The following TMEM45A variants were observed in gnomAD, a reference collection of about 807,000 sequenced individuals.
TMEM45A encodes the protein DNA polymerase-transactivated protein 4.
In TMEM45A, 25 loss-of-function variants were observed where a neutral mutation model predicts 32.0. The observed-to-expected ratio is 0.78, with a 90% CI of 0.57 to 1.09. TMEM45A has a LOEUF of 1.09. Ranked by LOEUF, TMEM45A falls within the 50% of genes least tolerant of loss-of-function variation. The pLI is 0.00. For missense variants in TMEM45A, 302 were observed against 325.0 expected, an observed-to-expected ratio of 0.93 and a Z score of 0.54; for synonymous variants, 122 against 114.8, an observed-to-expected ratio of 1.06 and a Z score of -0.40.
intron 1 of TMEM45A, among the ~76,000 whole-genome samples, chr3:100,528,622 C>T (rs747318260): frequency 6.6e-6 from 1 of 152,086 alleles, no homozygotes. Flanking sequence ...AAACTCTCCA[C>T]CTTTTCTTGT....
chr3:100,519,386 C>T (rs566801664), intron 1 of TMEM45A: 2 of 502,120 alleles, frequency 4.0e-6, no homozygotes, highest in Non-Finnish European at 3.4e-6. Context: ...TGTGTGTGTG[C>T]ATGTGTGTGT....
At chr3:100,520,711 C>T (rs968211820) in intron 1 of TMEM45A, among the ~76,000 whole-genome samples, 4 of 152,156 alleles carry the variant, frequency 2.6e-5, no homozygotes, top group Admixed American at 6.5e-5. Context: ...CAGGCAGGCA[C>T]GGGTTGCCAA....
At chr3:100,523,311 A>C (rs1024167267) in intron 1 of TMEM45A, among the ~76,000 whole-genome samples, 2 of 152,202 alleles carry the variant, frequency 1.3e-5, no homozygotes, top group African/African-American at 4.8e-5. Context: ...TTTAGCCCTT[A>C]TGACTGTGTG....
rs1419160892 is a variant in TMEM45A, at chr3:100,513,825, A to G, written c.-4+20897A>G. Among the ~76,000 whole-genome samples the G allele has an allele frequency of 3.3e-5, 5 of 152,200 alleles. No individual in the cohort carries two copies. In the East Asian group the frequency reaches 9.6e-4, roughly 29 times the overall value. ...GCAAAAATCACAAGCATTCTTATAC[A>G]CCAATAACAGACAAACAGAGAGCCA... On this transcript the variant is annotated intron_variant, in intron 1 of 5. Transcript: ENST00000323523.
At chr3:100,566,748 A>G (rs1258104438) in intron 4 of TMEM45A, among the ~76,000 whole-genome samples, 1 of 152,148 alleles carries the variant, frequency 6.6e-6, no homozygotes, top group Non-Finnish European at 1.5e-5. Context: ...CCTGATGAAC[A>G]ATGATATCCA....
intron 1 of TMEM45A, among the ~76,000 whole-genome samples, chr3:100,504,266 C>A (rs911364269): frequency 2.6e-5 from 4 of 151,292 alleles, no homozygotes; most frequent in Non-Finnish European, 4.4e-5. Context: ...AAAAAAAAGT[C>A]TTGCTTGGAT....
chr3:100,533,093 G>A (rs550754327), intron 1 of TMEM45A, among the ~76,000 whole-genome samples: 19 of 152,150 alleles, frequency 1.2e-4, no homozygotes, highest in Non-Finnish European at 2.1e-4. Context: ...GTACATAATA[G>A]GAGCCCAGTC....
intron 1 of TMEM45A, among the ~76,000 whole-genome samples, chr3:100,498,058 G>A (rs1384532895): frequency 6.6e-6 from 1 of 152,206 alleles, no homozygotes; most frequent in East Asian, 1.9e-4. Context: ...TTTCCCCCAT[G>A]CTGTTCTCAT....
At chr3:100,522,613 G>A (rs1705457105) in intron 1 of TMEM45A, among the ~76,000 whole-genome samples, 1 of 152,154 alleles carries the variant, frequency 6.6e-6, no homozygotes, top group Admixed American at 6.5e-5. Context: ...CATGATTTAT[G>A]TAGGTGGGAG....
At chr3:100,550,664 C>G (rs1364520707) in intron 1 of TMEM45A, among the ~76,000 whole-genome samples, 3 of 152,184 alleles carry the variant, frequency 2.0e-5, no homozygotes, top group African/African-American at 7.2e-5. Context: ...TGTGTATAGA[C>G]CTAGTCTGTG....
At chr3:100,529,611 G>A (rs887498123) in intron 1 of TMEM45A, among the ~76,000 whole-genome samples, 6 of 151,974 alleles carry the variant, frequency 3.9e-5, no homozygotes, top group African/African-American at 1.2e-4. Context: ...AGATTTCTCA[G>A]GCCAGCCTTT....
At chr3:100,515,025 G>T (rs572165587) in intron 1 of TMEM45A, among the ~76,000 whole-genome samples, 1 of 150,216 alleles carries the variant, frequency 6.7e-6, no homozygotes, top group South Asian at 2.1e-4. Flanking sequence ...TTACACTGTT[G>T]GTGGGACTGT....
intron 1 of TMEM45A, among the ~76,000 whole-genome samples, chr3:100,511,736 G>A (rs1380015287): frequency 1.3e-5 from 2 of 151,796 alleles, no homozygotes; most frequent in African/African-American, 4.8e-5. Flanking sequence ...CCCATCTCAT[G>A]TGCAGAGACA....
chr3:100,514,640 C>G (rs1417364969), intron 1 of TMEM45A, among the ~76,000 whole-genome samples: 5 of 152,170 alleles, frequency 3.3e-5, no homozygotes, highest in African/African-American at 1.2e-4. Context: ...TCTAATTAAA[C>G]TAAAGAGCTT....
At chr3:100,534,935 A>G (rs1705714550) in intron 1 of TMEM45A, among the ~76,000 whole-genome samples, 1 of 145,840 alleles carries the variant, frequency 6.9e-6, no homozygotes, top group African/African-American at 2.6e-5. Context: ...ACTCCCTGCC[A>G]TAGCCTTGAT....
chr3:100,561,034 CT>C (rs1458467134), intron 4 of TMEM45A, among the ~76,000 whole-genome samples: 4 of 152,088 alleles, frequency 2.6e-5, no homozygotes, highest in Non-Finnish European at 4.4e-5. Flanking sequence ...AGACTGTTTC[CT>C]TCTTCCTGGT....
At chr3:100,502,992 TCTC>T (rs1054353124) in intron 1 of TMEM45A, among the ~76,000 whole-genome samples, 35 of 150,902 alleles carry the variant, frequency 2.3e-4, no homozygotes, top group African/African-American at 8.0e-4. Context: ...TCTTCCTCCT[TCTC>T]CTCCTCCTCC....
intron 5 of TMEM45A, among the ~76,000 whole-genome samples, chr3:100,575,759 A>G (rs968091034): frequency 6.6e-6 from 1 of 152,222 alleles, no homozygotes; most frequent in Non-Finnish European, 1.5e-5. Flanking sequence ...CATCACATGC[A>G]GTTGAACAGC....
chr3:100,516,455 T>C (rs574372745), intron 1 of TMEM45A, among the ~76,000 whole-genome samples: 23 of 152,092 alleles, frequency 1.5e-4, no homozygotes, highest in Admixed American at 7.9e-4. Context: ...CAGATGGGAG[T>C]TGATTTTTCT....
Sources: gnomAD v4.1 joint callset for allele counts (sites outside exome capture counted in the v4.1 genomes callset) on GRCh38, gnomAD v4.1.1 for gene constraint, MANE v1.5 for transcripts, NCBI Gene and HGNC (gene_info 2026-07-23, HGNC 2026-07-21) for gene names.